Variants in UBAC2 observed in about 807,000 individuals in gnomAD.
The protein encoded by UBAC2 is ubiquitin-associated domain-containing protein 2.
In UBAC2, 26 loss-of-function variants were observed where a neutral mutation model predicts 44.0. The ratio of observed to expected loss-of-function variants is 0.59; its 90% confidence interval spans 0.43 to 0.82. The LOEUF (loss-of-function observed/expected upper bound fraction) is 0.82, where lower values mean the gene tolerates loss of function less well. Among genes scored for constraint, UBAC2 ranks in the 40% least tolerant of loss-of-function variants. UBAC2 has a pLI of 0.00. For missense variants in UBAC2, 329 were observed against 419.4 expected, an observed-to-expected ratio of 0.78 and a Z score of 1.88; for synonymous variants, 155 against 154.3, an observed-to-expected ratio of 1.00 and a Z score of -0.04.
In UBAC2 at chr13:99,338,039, CTTTTTTTCTTTT is replaced by C. The variant is rs1186218701; in HGVS notation, c.562-2273_562-2262del. On this transcript the variant is annotated intron_variant, in intron 6 of 8. Transcript: ENST00000403766. ...GCAAAAAAATCTCCTAACTTTTTTT[CTTTTTTTCTTTT>C]TTTTTTTTTTTTTTTTTTTTTTTTG... Among the ~76,000 whole-genome samples, 136 of 91,542 alleles carry C rather than the reference CTTTTTTTCTTTT, an allele frequency of 1.5e-3. 8 individuals carry two copies. Among genetic ancestry groups the C allele is most frequent in the East Asian group, 6.6e-3 (22 of 3,338 alleles). The allele number at this position is 91,542 out of a possible 152,430, so 60.1% of individuals were successfully genotyped here.
At chr13:99,338,323 G>T (rs541180223) in intron 6 of UBAC2, among the ~76,000 whole-genome samples, 57 of 152,154 alleles carry the variant, frequency 3.7e-4, no homozygotes, top group Middle Eastern at 6.8e-3. Context: ...CTCCCAAAGT[G>T]CAGGGATGAC....
chr13:99,364,648 G>C (rs535731570), intron 7 of UBAC2, among the ~76,000 whole-genome samples: 1 of 152,014 alleles, frequency 6.6e-6, no homozygotes, highest in African/African-American at 2.4e-5. Context: ...TTTAAGTACT[G>C]TTTCAATTAC....
At chr13:99,223,132 T>C (rs74740318) in intron 1 of UBAC2, among the ~76,000 whole-genome samples, 3,130 of 152,286 alleles carry the variant, frequency 0.021, 107 homozygotes, top group African/African-American at 0.064. Context: ...GCGTAAAGTA[T>C]TTCCTAACAT....
At chr13:99,353,404 C>T (rs1399229935) in intron 7 of UBAC2, among the ~76,000 whole-genome samples, 1 of 152,164 alleles carries the variant, frequency 6.6e-6, no homozygotes, top group African/African-American at 2.4e-5. Context: ...AAGTGTGATC[C>T]TTTTCCAAGA....
At position 99,385,220 on chromosome 13, in the gene UBAC2, G is replaced by A; in HGVS notation, c.928-8G>A. On this transcript the variant is annotated splice_polypyrimidine_tract_variant and splice_region_variant and intron_variant, in intron 8 of 8. Transcript: ENST00000403766. ...GCCCTCAGGTTTCTGCGTTTTCTCTGCCTGCAGGTCGCCCGGCTCATGGAG... is the reference window on the plus strand; with the variant it reads ...GCCCTCAGGTTTCTGCGTTTTCTCTACCTGCAGGTCGCCCGGCTCATGGAG... The A allele has an allele frequency of 6.2e-7, 1 of 1,611,644 alleles. No homozygotes were observed. Among genetic ancestry groups the A allele is most frequent in the East Asian group, 2.2e-5 (1 of 44,880 alleles).
At chr13:99,335,377 TG>T (rs1373890898) in intron 6 of UBAC2, among the ~76,000 whole-genome samples, 1 of 144,048 alleles carries the variant, frequency 6.9e-6, no homozygotes, top group African/African-American at 2.6e-5. Context: ...AATTCATTAC[TG>T]TTTTTTTTTT....
rs368386095 is a variant in UBAC2, at chr13:99,309,781, T to G, written c.390-4316T>G. On this transcript the variant is annotated intron_variant, in intron 4 of 8. Coordinates refer to ENST00000403766, the MANE Select transcript of UBAC2 (RefSeq NM_001144072.2). ...ACGCCCAGCTAATTTTTGTATTTTTTTGTGTGTGTGTGTGGAGACAAGGTC... is the reference window on the plus strand; with the variant it reads ...ACGCCCAGCTAATTTTTGTATTTTTGTGTGTGTGTGTGTGGAGACAAGGTC... 6.4e-3 allele frequency among the ~76,000 whole-genome samples: 969 copies of G among 151,864 alleles called. 8 individuals are homozygous for G. The highest frequency in any genetic ancestry group is 0.013 in the African/African-American group (537 of 41,414).
chr13:99,355,701 G>A (rs1186215108), intron 7 of UBAC2, among the ~76,000 whole-genome samples: 3 of 152,228 alleles, frequency 2.0e-5, no homozygotes, highest in Admixed American at 6.5e-5. Flanking sequence ...GGTCAGTCAC[G>A]TTTTCAAAAC....
chr13:99,262,596 A>T (rs1594065082), intron 4 of UBAC2, among the ~76,000 whole-genome samples: 1 of 151,350 alleles, frequency 6.6e-6, no homozygotes, highest in South Asian at 2.1e-4. Context: ...CCAGCTACTC[A>T]GGAGGCTGAG....
At chr13:99,257,892 A>G (rs992991682) in intron 4 of UBAC2, among the ~76,000 whole-genome samples, 6 of 152,250 alleles carry the variant, frequency 3.9e-5, no homozygotes, top group East Asian at 1.9e-4. Flanking sequence ...AGATGATTAT[A>G]TAGCCTATTT....
chr13:99,248,625 G>A (rs955181456), intron 4 of UBAC2, among the ~76,000 whole-genome samples: 2 of 151,962 alleles, frequency 1.3e-5, no homozygotes, highest in Non-Finnish European at 2.9e-5. Flanking sequence ...TCAGGTGATC[G>A]ACCTGCCTTG....
chr13:99,202,072 C>CA (rs776251286), intron 1 of UBAC2, among the ~76,000 whole-genome samples: 2,303 of 71,372 alleles, frequency 0.032, 89 homozygotes, highest in African/African-American at 0.093. Context: ...GACTCCATCT[C>CA]AAAAAAAAAA....
chr13:99,382,210 A>G (rs1051001180), intron 8 of UBAC2, among the ~76,000 whole-genome samples: 3 of 152,258 alleles, frequency 2.0e-5, no homozygotes, highest in Non-Finnish European at 4.4e-5. Flanking sequence ...GATGATTAAC[A>G]GTAGATAACA....
chr13:99,326,904 T>C (rs981189787), intron 6 of UBAC2, among the ~76,000 whole-genome samples: 1 of 152,200 alleles, frequency 6.6e-6, no homozygotes, highest in African/African-American at 2.4e-5. Flanking sequence ...GAGGGCAATC[T>C]TGGGTATGAA....
Position 99,318,194 on chromosome 13 carries a change from T to A in UBAC2, c.561+125T>A, listed in dbSNP as rs2044518874. 3.1e-6 allele frequency: 3 copies of A among 964,600 alleles called. No individual in the cohort carries two copies. In the African/African-American group the frequency reaches 5.0e-5, roughly 16 times the overall value. 59.8% of individuals were successfully genotyped at this position (964,600 alleles called of 1,614,324 possible). ...ACCATTCTTTTTTTTTGAGACAGAA[T>A]TTCACTCTTGTTGCCCAGGCTGGAG... On this transcript the variant is annotated intron_variant, in intron 6 of 8. Coordinates refer to ENST00000403766, the MANE Select transcript of UBAC2 (RefSeq NM_001144072.2).
intron 8 of UBAC2, among the ~76,000 whole-genome samples, chr13:99,373,122 A>AAAT (rs1167283712): frequency 7.2e-5 from 11 of 151,750 alleles, no homozygotes; most frequent in Non-Finnish European, 1.0e-4. Flanking sequence ...CTCTGTCTCA[A>AAAT]AATAATAATA....
rs80255898 is a variant in UBAC2 at position 99,360,089 on chromosome 13, A to T, written c.808-7698A>T. 3.8e-3 allele frequency among the ~76,000 whole-genome samples: 578 copies of T among 150,140 alleles called. 2 individuals carry two copies. The highest frequency in any genetic ancestry group is 0.014 in the African/African-American group (558 of 41,064). On this transcript the variant is annotated intron_variant, in intron 7 of 8. Transcript: ENST00000403766. Reference sequence around the variant, plus strand: ...TCGCATTCATAATGCCCCCTCTGTAATTGTTCTCCATTTTACTCTTTTATG... The same window carrying T: ...TCGCATTCATAATGCCCCCTCTGTATTTGTTCTCCATTTTACTCTTTTATG...
chr13:99,255,114 A>G, intron 4 of UBAC2: 10 of 1,614,148 alleles, frequency 6.2e-6, no homozygotes, highest in Non-Finnish European at 8.5e-6. Context: ...GCATCAGGAA[A>G]GCGAAACAGA....
intron 7 of UBAC2, among the ~76,000 whole-genome samples, chr13:99,361,761 T>C (rs923833920): frequency 2.0e-5 from 3 of 152,020 alleles, no homozygotes; most frequent in Non-Finnish European, 4.4e-5. Context: ...CAACCAAAAC[T>C]GTGAGCAGAC....
Sources: gnomAD v4.1 joint callset for allele counts (sites outside exome capture counted in the v4.1 genomes callset) on GRCh38, gnomAD v4.1.1 for gene constraint, MANE v1.5 for transcripts, NCBI Gene and HGNC (gene_info 2026-07-23, HGNC 2026-07-21) for gene names.